UGT2A1: variants seen among roughly 807,000 people sequenced by gnomAD.
The protein encoded by UGT2A1 is UDP-glucuronosyltransferase 2A1.
In UGT2A1, 61 loss-of-function variants were observed where a neutral mutation model predicts 45.4. The ratio of observed to expected loss-of-function variants is 1.34; its 90% CI spans 1.09 to 1.66. The LOEUF is 1.66. Among genes scored for constraint, UGT2A1 ranks in the 40% most tolerant of loss-of-function variants. UGT2A1 has a pLI of 0.00. For missense variants in UGT2A1, 649 were observed against 574.3 expected, an observed-to-expected ratio of 1.13 and a Z score of -1.33; for synonymous variants, 229 against 196.2, an observed-to-expected ratio of 1.17 and a Z score of -1.40.
chr4:69,603,806 A>G (rs1429534969), intron 3 of UGT2A1, among the ~76,000 whole-genome samples: 2 of 136,016 alleles, frequency 1.5e-5, no homozygotes, highest in Admixed American at 7.3e-5. Context: ...CAACTGGAAG[A>G]AAGGGTATCA....
At chr4:69,620,666 A>G (rs893269568) in intron 3 of UGT2A1, among the ~76,000 whole-genome samples, 3 of 151,002 alleles carry the variant, frequency 2.0e-5, no homozygotes, top group African/African-American at 7.3e-5. Flanking sequence ...AAAAAAAAAA[A>G]AGAGCCACAA....
chr4:69,618,532 G>A (rs4148288), intron 3 of UGT2A1, among the ~76,000 whole-genome samples: 6,762 of 151,882 alleles, frequency 0.045, 199 homozygotes, highest in Middle Eastern at 0.071. Flanking sequence ...CCATGTGGCC[G>A]TTGAATGAGA....
Position 69,639,358 on chromosome 4 carries a change from A to C in UGT2A1, c.716-3536T>G, listed in dbSNP as rs759572252. The C allele has an allele frequency of 1.9e-5, 30 of 1,613,748 alleles. No homozygotes were observed. The Admixed American group carries it at 5.0e-4, about 27-fold the overall frequency. On this transcript the variant is annotated intron_variant, in intron 2 of 6. Transcript: ENST00000286604. ...CACAGCATTATCATATGCTCAATTAAGGAATCTATATTGCTCTTCTTGTAG... is the reference window on the plus strand; with the variant it reads ...CACAGCATTATCATATGCTCAATTACGGAATCTATATTGCTCTTCTTGTAG...
At position 69,647,275 on chromosome 4, in the gene UGT2A1, C is replaced by T; in HGVS notation, c.370G>A (p.Glu124Lys). Residue 124 changes from glutamate (E) to lysine (K), a missense_variant, in exon 2 of 7, where the codon GAG (glutamate) becomes AAG (lysine). Coordinates refer to ENST00000286604, the MANE Select transcript of UGT2A1 (RefSeq NM_001252275.3). ...TTTTTAAGAACGCCATCACAGATCTCCTGAGACACCATGTGGAAGTCCTTG... is the reference window on the plus strand; with the variant it reads ...TTTTTAAGAACGCCATCACAGATCTTCTGAGACACCATGTGGAAGTCCTTG... ...VIKDFHMVSQ[E>K]ICDGVLKNQQ... 1 of 1,613,352 alleles carries T rather than the reference C, an allele frequency of 6.2e-7. No individual in the cohort carries two copies. The highest frequency in any genetic ancestry group is 8.5e-7 in the Non-Finnish European group (1 of 1,179,538).
In UGT2A1 at chr4:69,596,554, G is replaced by A. The variant is rs974957320; in HGVS notation, c.997-1305C>T. Reference sequence around the variant, plus strand: ...CTATATTTTTTTTTGGCAGAGTCTCGCTCTGTCGCCCAGGCTGGAGCGCAG... The same window carrying A: ...CTATATTTTTTTTTGGCAGAGTCTCACTCTGTCGCCCAGGCTGGAGCGCAG... On this transcript the variant is annotated intron_variant, in intron 4 of 6. Transcript: ENST00000286604. Among the ~76,000 whole-genome samples, 7 of 151,896 alleles carry A rather than the reference G, an allele frequency of 4.6e-5. No homozygotes were observed. In the South Asian group the frequency reaches 6.2e-4, roughly 14 times the overall value.
At chr4:69,599,738 A>G (rs1455753719) in intron 3 of UGT2A1, 4 of 179,500 alleles carry the variant, frequency 2.2e-5, no homozygotes, top group Non-Finnish European at 4.6e-5. Context: ...AAAAGGAGAA[A>G]GGGAAGAAGA....
intron 2 of UGT2A1, among the ~76,000 whole-genome samples, chr4:69,644,655 G>A (rs551473289): frequency 1.3e-4 from 19 of 151,654 alleles, no homozygotes; most frequent in Middle Eastern, 6.8e-3. Context: ...AATCATTGTA[G>A]CAAGGCTTGT....
intron 6 of UGT2A1, among the ~76,000 whole-genome samples, chr4:69,590,500 C>T (rs369366721): frequency 3.3e-5 from 5 of 151,872 alleles, no homozygotes; most frequent in African/African-American, 4.8e-5. Flanking sequence ...TGAAGATGAG[C>T]GAAGGTAAAT....
chr4:69,608,233 T>C (rs1193351702), intron 3 of UGT2A1, among the ~76,000 whole-genome samples: 1 of 152,138 alleles, frequency 6.6e-6, no homozygotes, highest in East Asian at 1.9e-4. Context: ...TGGAATACTA[T>C]GCAGCCATAA....
intron 1 of UGT2A1, among the ~76,000 whole-genome samples, chr4:69,649,178 G>T (rs1253465946): frequency 6.6e-6 from 1 of 151,942 alleles, no homozygotes; most frequent in Admixed American, 6.6e-5. Context: ...TCTCTTCTAA[G>T]CTCTCCCATC....
chr4:69,624,520 T>C (rs1317407620), intron 3 of UGT2A1, among the ~76,000 whole-genome samples: 1 of 151,428 alleles, frequency 6.6e-6, no homozygotes, highest in Admixed American at 6.6e-5. Context: ...TTAAGTTACC[T>C]CATCTCTTTT....
At chr4:69,621,019 A>T (rs1720723246) in intron 3 of UGT2A1, among the ~76,000 whole-genome samples, 1 of 151,932 alleles carries the variant, frequency 6.6e-6, no homozygotes, top group African/African-American at 2.4e-5. Flanking sequence ...GATTAAAAAC[A>T]TAAATGTAAA....
Position 69,606,385 on chromosome 4 carries a change from A to C in UGT2A1, c.848-6991T>G, listed in dbSNP as rs1719615542. ...AAAAATTCAACAACGCTTCATGCTA[A>C]AAACTCTCAATAAATTAGGTATTGA... On this transcript the variant is annotated intron_variant, in intron 3 of 6. Coordinates refer to ENST00000286604, the MANE Select transcript of UGT2A1 (RefSeq NM_001252275.3). 1.5e-5 allele frequency among the ~76,000 whole-genome samples: 2 copies of C among 136,902 alleles called. 1 individual carries two copies. The highest frequency in any genetic ancestry group is 5.9e-5 in the African/African-American group (2 of 33,704). The allele number at this position is 136,902 out of a possible 152,430, so 89.8% of individuals were successfully genotyped here.
chr4:69,616,110 C>A (rs752012460), intron 3 of UGT2A1, among the ~76,000 whole-genome samples: 3 of 151,826 alleles, frequency 2.0e-5, no homozygotes, highest in Non-Finnish European at 4.4e-5. Flanking sequence ...ATGAAATAAG[C>A]CAGGCGCGGA....
At chr4:69,603,472 C>G (rs1288327738) in intron 3 of UGT2A1, 1 of 136,596 alleles carries the variant, frequency 7.3e-6, no homozygotes, top group East Asian at 2.1e-4. Context: ...AGGGAAAAAA[C>G]AGAGCAGAAA....
rs71599913 is a variant in UGT2A1, at chr4:69,595,617, A to G, written c.997-368T>C. ...ATACATAAATATAAAGAGTCCTAGG[A>G]TGTGTCATGAATAGAAGTATAAAAA... On this transcript the variant is annotated intron_variant, in intron 4 of 6. Coordinates refer to ENST00000286604, the MANE Select transcript of UGT2A1 (RefSeq NM_001252275.3). Among the ~76,000 whole-genome samples the G allele has an allele frequency of 6.6e-3, 1,009 of 152,272 alleles. 7 individuals carry two copies. Among genetic ancestry groups the G allele is most frequent in the Non-Finnish European group, 7.8e-3 (532 of 67,992 alleles).
chr4:69,620,341 G>A (rs529087662), intron 3 of UGT2A1, among the ~76,000 whole-genome samples: 49 of 136,098 alleles, frequency 3.6e-4, no homozygotes, highest in African/African-American at 1.3e-3. Context: ...CACCAACAGC[G>A]AAGCAGAGAA....
At chr4:69,619,859 C>G (rs913313969) in intron 3 of UGT2A1, among the ~76,000 whole-genome samples, 2 of 151,966 alleles carry the variant, frequency 1.3e-5, no homozygotes, top group African/African-American at 4.8e-5. Flanking sequence ...ATACACAAAT[C>G]AATACATGTG....
chr4:69,619,704 A>T (rs2109933587), intron 3 of UGT2A1, among the ~76,000 whole-genome samples: 1 of 152,138 alleles, frequency 6.6e-6, no homozygotes, highest in Admixed American at 6.6e-5. Flanking sequence ...CAAAAAATAA[A>T]ATAAAATTCA....
Sources: allele counts gnomAD v4.1 joint callset (sites outside exome capture counted in the v4.1 genomes callset), GRCh38; gene constraint gnomAD v4.1.1; transcripts MANE v1.5; gene names NCBI Gene and HGNC (gene_info 2026-07-23, HGNC 2026-07-21).